The following ZNF470 variants were observed in gnomAD, a reference collection of about 807,000 sequenced individuals.
The protein encoded by ZNF470 is zinc finger protein 470, also known as chondrogenesis zinc finger protein 1.
ZNF470 carries 13 observed loss-of-function variants against 13.9 expected under a neutral mutation model. That is an observed-to-expected ratio of 0.94 (90% CI 0.61 to 1.49). ZNF470 has a LOEUF of 1.49. Ranked by LOEUF, ZNF470 falls within the 40% of genes most tolerant of loss-of-function variation. The pLI is 0.00. For synonymous variants in ZNF470, 293 were observed against 282.9 expected, an observed-to-expected ratio of 1.04 and a Z score of -0.36; for missense variants, 929 against 857.3, an observed-to-expected ratio of 1.08 and a Z score of -1.04.
At chr19:56,573,886 G>T in intron 3 of ZNF470, 3 of 753,178 alleles carry the variant, frequency 4.0e-6, no homozygotes, top group Non-Finnish European at 4.9e-6. Flanking sequence ...CTATAGCTAG[G>T]TGTTTTTTTC....
chr19:56,567,577 C>T lies in ZNF470; in HGVS notation c.-620C>T, dbSNP rs934232236. The stretch of plus-strand genomic sequence containing the variant: ...AGGCTGGACTGGGGCGCGGCGGGGG[C>T]GGTGTCCTGGTTCCTGTGTGGGCGG... On this transcript the variant is annotated 5_prime_UTR_variant, in exon 1 of 6. Transcript: ENST00000330619. 1 of 988,018 alleles carries T rather than the reference C, an allele frequency of 1.0e-6. No homozygotes were observed. Among genetic ancestry groups the T allele is most frequent in the Non-Finnish European group, 1.2e-6 (1 of 832,034 alleles). 61.2% of individuals were successfully genotyped at this position (988,018 alleles called of 1,614,324 possible).
chr19:56,582,462 G>T lies in ZNF470; in HGVS notation c.*3879G>T, dbSNP rs183554607. The T allele has an allele frequency of 2.3e-5, 23 of 985,370 alleles. No individual in the cohort carries two copies. The Admixed American group carries it at 1.3e-3, about 55-fold the overall frequency. The allele number at this position is 985,370 out of a possible 1,614,324, so 61.0% of individuals were successfully genotyped here. ...GAGACTATTTTTATGCATTGTTAAA[G>T]TGGAATGCTGGTTAAATTTTATACT... On this transcript the variant is annotated 3_prime_UTR_variant, in exon 6 of 6. Transcript: ENST00000330619.
intron 5 of ZNF470, among the ~76,000 whole-genome samples, chr19:56,575,931 T>G (rs1048673973): frequency 2.6e-5 from 4 of 152,150 alleles, no homozygotes; most frequent in Non-Finnish European, 2.9e-5. Context: ...AAGTTATATG[T>G]AGTGATTTAT....
In ZNF470 at chr19:56,578,039, A is replaced by G. The variant is rs776691711; in HGVS notation, c.1610A>G (p.Tyr537Cys). ...HQKIHTGEKP[Y>C]ECKECGKAFS... ...AAAATACACACTGGGGAGAAACCTT[A>G]TGAATGTAAGGAATGTGGTAAGGCC... is the stretch of plus-strand genomic sequence containing the variant. Residue 537 changes from tyrosine to cysteine, a missense_variant, in exon 6 of 6, where the codon TAT becomes TGT. Transcript: ENST00000330619. The G allele has an allele frequency of 3.7e-6, 6 of 1,614,024 alleles. No individual in the cohort carries two copies. The South Asian group carries it at 6.6e-5, about 18-fold the overall frequency.
intron 3 of ZNF470, among the ~76,000 whole-genome samples, chr19:56,572,783 A>C (rs989799817): frequency 2.0e-5 from 3 of 152,106 alleles, no homozygotes; most frequent in African/African-American, 7.2e-5. Context: ...CTAGAATACT[A>C]TGTCCAGGGA....
In ZNF470 at chr19:56,567,608, G is replaced by A; in HGVS notation, c.-589G>A. 1.0e-6 allele frequency: 1 copy of A among 988,472 alleles called. No homozygotes were observed. Among genetic ancestry groups the A allele is most frequent in the Non-Finnish European group, 1.2e-6 (1 of 832,508 alleles). The allele number at this position is 988,472 out of a possible 1,614,324, so 61.2% of individuals were successfully genotyped here. ...CCTGGTTCCTGTGTGGGCGGCGGGC[G>A]TGAGCGTGCGCGTGTGGCCTGGTGG... On this transcript the variant is annotated 5_prime_UTR_variant, in exon 1 of 6. In the 5' UTR this introduces an upstream ATG that the reference lacks. Coordinates refer to ENST00000330619, the MANE Select transcript of ZNF470 (RefSeq NM_001001668.4).
chr19:56,580,779 T>A lies in ZNF470; in HGVS notation c.*2196T>A, dbSNP rs1251410700. 2 of 901,942 alleles carry A rather than the reference T, an allele frequency of 2.2e-6. No homozygotes were observed. The highest frequency in any genetic ancestry group is 3.6e-5 in the African/African-American group (2 of 55,268). The allele number at this position is 901,942 out of a possible 1,614,324, so 55.9% of individuals were successfully genotyped here. A position where few individuals can be genotyped will look rare whatever the true frequency, so the allele number is the denominator to read the frequency against. ...AGAAGCATAATGGCTAGGGGATGGG[T>A]AGTCTCACCAGAGAATGTGGAGCTT... On this transcript the variant is annotated 3_prime_UTR_variant, in exon 6 of 6. Coordinates refer to ENST00000330619, the MANE Select transcript of ZNF470 (RefSeq NM_001001668.4).
At position 56,578,655 on chromosome 19, in the gene ZNF470, A is replaced by G; in HGVS notation, c.*72A>G. 2 of 1,367,944 alleles carry G rather than the reference A, an allele frequency of 1.5e-6. No homozygotes were observed. Among genetic ancestry groups the G allele is most frequent in the Non-Finnish European group, 1.9e-6 (2 of 1,055,220 alleles). The allele number at this position is 1,367,944 out of a possible 1,614,324, so 84.7% of individuals were successfully genotyped here. On this transcript the variant is annotated 3_prime_UTR_variant, in exon 6 of 6. Coordinates refer to ENST00000330619, the MANE Select transcript of ZNF470 (RefSeq NM_001001668.4). ...ACATGTCCCATCATCATAGTCCAAG[A>G]CGCAACCATCTCATCTGGATTTCTG...
Position 56,578,093 on chromosome 19 carries a change from A to G in ZNF470, c.1664A>G (p.His555Arg). The G allele has an allele frequency of 6.2e-7, 1 of 1,614,062 alleles. No individual in the cohort carries two copies. The highest frequency in any genetic ancestry group is 8.5e-7 in the Non-Finnish European group (1 of 1,179,984). Residue 555 changes from histidine (H) to arginine (R), a missense_variant, in exon 6 of 6, where the codon CAC becomes CGC. Coordinates refer to ENST00000330619, the MANE Select transcript of ZNF470 (RefSeq NM_001001668.4). ...AGTCAGATTGCACACCTTGTTCAGC[A>G]CCAGAGAGTTCATACTGGTGAGAAG... ...AFSQIAHLVQ[H>R]QRVHTGEKPY...
chr19:56,572,301 CAAG>C (rs1407727381), intron 3 of ZNF470, among the ~76,000 whole-genome samples: 2 of 96,180 alleles, frequency 2.1e-5, no homozygotes, highest in African/African-American at 9.6e-5. Context: ...GCCAGGAGTT[CAAG>C]ACCAGCCTGG....
At chr19:56,570,497 C>T (rs1000327266) in intron 3 of ZNF470, 126 bp downstream of exon 3, 2 of 882,772 alleles carry the variant, frequency 2.3e-6, no homozygotes, top group Non-Finnish European at 1.8e-6. Flanking sequence ...TGTTTCTTCC[C>T]TTTCTGATAT....
intron 5 of ZNF470, 111 bp downstream of exon 5, chr19:56,574,844 T>A: frequency 2.2e-6 from 2 of 903,150 alleles, no homozygotes; most frequent in Non-Finnish European, 3.3e-6. Flanking sequence ...CTTGTTCTTC[T>A]AACACCAGTT....
Position 56,580,858 on chromosome 19 carries a change from G to A in ZNF470, c.*2275G>A. 7 of 985,320 alleles carry A rather than the reference G, an allele frequency of 7.1e-6. No homozygotes were observed. The highest frequency in any genetic ancestry group is 8.4e-6 in the Non-Finnish European group (7 of 829,876). 61.0% of individuals were successfully genotyped at this position (985,320 alleles called of 1,614,324 possible). ...GATTTTTCATTGTAGTGGGGAAAAG[G>A]TGGTTTGATCAAATGGCATTGGGAA... is the stretch of plus-strand genomic sequence containing the variant. On this transcript the variant is annotated 3_prime_UTR_variant, in exon 6 of 6. Transcript: ENST00000330619.
At position 56,577,871 on chromosome 19, in the gene ZNF470, A is replaced by G. The variant is rs756696301; in HGVS notation, c.1442A>G (p.Tyr481Cys). Reference sequence around the variant, plus strand: ...AGAGTTCATACTGGAGAGAAACCCTATGAATGTAAAGAATGTGGGAAAGCT... The same window carrying G: ...AGAGTTCATACTGGAGAGAAACCCTGTGAATGTAAAGAATGTGGGAAAGCT... ...HQRVHTGEKP[Y>C]ECKECGKAFR... Residue 481 changes from tyrosine (Y) to cysteine (C), a missense_variant, in exon 6 of 6, where the codon TAT (tyrosine) becomes TGT (cysteine). By Grantham distance (194) the Tyr-to-Cys change is radical. Transcript: ENST00000330619. 1.5e-5 allele frequency: 25 copies of G among 1,613,844 alleles called. No individual in the cohort carries two copies. Among genetic ancestry groups the G allele is most frequent in the South Asian group, 3.3e-5 (3 of 91,094 alleles).
chr19:56,576,675 T>G, intron 5 of ZNF470, 38 bp from the exon 6 acceptor site: 1 of 1,363,556 alleles, frequency 7.3e-7, no homozygotes. Flanking sequence ...ATTCTAGCAT[T>G]TAATAAAGGA....
rs2044491160 is a variant in ZNF470, at chr19:56,576,753, C to G, written c.324C>G (p.Asn108Lys). The change falls in exon 6 of 6, where the codon AAC becomes AAG. Residue 108 changes from asparagine to lysine, a missense_variant. By Grantham distance (94) the Asn-to-Lys change is moderately conservative. Transcript: ENST00000330619. ...CVWVTKSLSL[N>K]QDIYEEKLPP... Reference sequence around the variant, plus strand: ...GGGTGACCAAATCATTATCTTTAAACCAGGATATTTATGAAGAAAAATTAC... The same window carrying G: ...GGGTGACCAAATCATTATCTTTAAAGCAGGATATTTATGAAGAAAAATTAC... 6.6e-7 allele frequency: 1 copy of G among 1,505,812 alleles called. No individual in the cohort carries two copies. Among genetic ancestry groups the G allele is most frequent in the Admixed American group, 2.3e-5 (1 of 42,608 alleles). 93.3% of individuals were successfully genotyped at this position (1,505,812 alleles called of 1,614,324 possible). A position where few individuals can be genotyped will look rare whatever the true frequency, so the allele number is the denominator to read the frequency against.
At chr19:56,570,660 A>G (rs1047988665) in intron 3 of ZNF470, among the ~76,000 whole-genome samples, 2 of 152,184 alleles carry the variant, frequency 1.3e-5, no homozygotes, top group African/African-American at 4.8e-5. Flanking sequence ...GGCATCTGAC[A>G]AAGCAGAAGT....
At position 56,576,874 on chromosome 19, in the gene ZNF470, C is replaced by T. The variant is rs760828230; in HGVS notation, c.445C>T (p.Leu149Phe). 6.9e-6 allele frequency: 11 copies of T among 1,587,102 alleles called. No individual in the cohort carries two copies. The South Asian group carries it at 1.2e-4, about 17-fold the overall frequency. The change falls in exon 6 of 6, where the codon CTT (leucine) becomes TTT (phenylalanine). Residue 149 changes from leucine (L) to phenylalanine (F), a missense_variant. Coordinates refer to ENST00000330619, the MANE Select transcript of ZNF470 (RefSeq NM_001001668.4). ...WKCEDLFERE[L>F]VNQKTHFRQE... ...ATGTGAAGACTTGTTTGAGAGGGAG[C>T]TTGTAAACCAGAAGACACATTTTAG...
At position 56,574,472 on chromosome 19, in the gene ZNF470, T is replaced by G; in HGVS notation, c.139T>G (p.Leu47Val). Residue 47 changes from leucine (L) to valine (V), a missense_variant, in exon 4 of 6, where the codon TTG (leucine) becomes GTG (valine). By Grantham distance (32) the Leu-to-Val change is conservative. Transcript: ENST00000330619. ...WEWLNLAQRS[L>V]YKKVMLENYR... ...GTGGCTGAATCTTGCTCAGAGAAGT[T>G]TGTACAAGAAGGTGATGTTAGAAAA... 7 of 1,613,912 alleles carry G rather than the reference T, an allele frequency of 4.3e-6. No individual in the cohort carries two copies. Among genetic ancestry groups the G allele is most frequent in the Non-Finnish European group, 5.9e-6 (7 of 1,179,810 alleles).
Sources: allele counts gnomAD v4.1 joint callset (sites outside exome capture counted in the v4.1 genomes callset), GRCh38; gene constraint gnomAD v4.1.1; transcripts MANE v1.5; gene names NCBI Gene and HGNC (gene_info 2026-07-23, HGNC 2026-07-21).